TBC1D25: variants seen among roughly 807,000 people sequenced by gnomAD.
TBC1D25 encodes the protein 5SN3 snoRNA.
In TBC1D25, 13 loss-of-function variants were observed where a neutral mutation model predicts 38.8. The observed-to-expected ratio is 0.34, with a 90% CI of 0.22 to 0.53. The LOEUF (loss-of-function observed/expected upper bound fraction) is 0.53. Among genes scored for constraint, TBC1D25 ranks in the 20% least tolerant of loss-of-function variants. The probability of loss-of-function intolerance (pLI) is 0.94; values close to 1 mark genes in which losing one functional copy is unlikely to be tolerated. For synonymous variants in TBC1D25, 225 were observed against 255.6 expected (o/e 0.88, Z 1.14); for missense variants, 372 against 600.0 (o/e 0.62, Z 3.97).
intron 3 of TBC1D25, among the ~76,000 whole-genome samples, chrX:48,550,132 G>T (rs2061918237): frequency 9.1e-6 from 1 of 110,164 alleles, no homozygotes; most frequent in Non-Finnish European, 1.9e-5. Flanking sequence ...GATTACAGGT[G>T]CCCGCCACCA....
intron 1 of TBC1D25, 37 bp from the exon 2 acceptor site, chrX:48,541,296 G>A (rs1556980179): frequency 1.7e-6 from 2 of 1,176,734 alleles, no homozygotes. Flanking sequence ...ATGGTGATGG[G>A]GCCCCTGGTG....
At chrX:48,551,976 T>G (rs1250072240) in intron 3 of TBC1D25, among the ~76,000 whole-genome samples, 1 of 110,876 alleles carries the variant, frequency 9.0e-6, no homozygotes, top group African/African-American at 3.3e-5. Flanking sequence ...GTATAAAATG[T>G]CTCTTTGTGT....
chrX:48,550,446 A>G (rs2147181226), intron 3 of TBC1D25, among the ~76,000 whole-genome samples: 1 of 110,107 alleles, frequency 9.1e-6, no homozygotes, highest in Admixed American at 9.8e-5. Context: ...TGCTAACACC[A>G]TGTTATTTTT....
intron 3 of TBC1D25, among the ~76,000 whole-genome samples, chrX:48,550,113 A>G (rs963600216): frequency 1.8e-5 from 2 of 110,266 alleles, no homozygotes; most frequent in African/African-American, 3.3e-5. Flanking sequence ...CAGCCTCCCA[A>G]ATAGCTGGGA....
rs1219797507 is a variant in TBC1D25, at chrX:48,562,080, AC to A, written c.*1106del. 1 of 112,308 alleles carries A rather than the reference AC, an allele frequency of 8.9e-6. No individual in the cohort carries two copies. Among genetic ancestry groups the A allele is most frequent in the African/African-American group, 3.2e-5 (1 of 30,896 alleles). 9.3% of individuals were successfully genotyped at this position (112,308 alleles called of 1,213,427 possible). On this transcript the variant is annotated 3_prime_UTR_variant, in exon 6 of 6. Coordinates refer to ENST00000376771, the MANE Select transcript of TBC1D25 (RefSeq NM_002536.4). ...CATGCTCAGAGGGTGGGATTCTCTCACAGGCCAGGTGCTGTCATCCACAAAG... is the reference window on the plus strand; with the variant it reads ...CATGCTCAGAGGGTGGGATTCTCTCAAGGCCAGGTGCTGTCATCCACAAAG...
intron 2 of TBC1D25, among the ~76,000 whole-genome samples, chrX:48,541,944 T>G (rs782658971): frequency 9.5e-4 from 106 of 111,324 alleles, no homozygotes; most frequent in Middle Eastern, 4.6e-3. Flanking sequence ...AATGTGAGCG[T>G]TCTGAGCACG....
chrX:48,548,505 T>G (rs2061904859), intron 3 of TBC1D25, among the ~76,000 whole-genome samples: 1 of 112,393 alleles, frequency 8.9e-6, no homozygotes, highest in African/African-American at 3.2e-5. Context: ...TTCTTTTTAT[T>G]TAATAAATCA....
At chrX:48,540,073 G>A in intron 1 of TBC1D25, 153 bp downstream of exon 1, 2 of 782,093 alleles carry the variant, frequency 2.6e-6, no homozygotes, top group Non-Finnish European at 3.3e-6. Context: ...GGGGTAGGGA[G>A]GGCCTGAGAG....
chrX:48,554,559 CAAA>C (rs60207287), intron 3 of TBC1D25, among the ~76,000 whole-genome samples: 4 of 51,897 alleles, frequency 7.7e-5, no homozygotes, highest in Non-Finnish European at 1.0e-4. Flanking sequence ...GACTCCATCT[CAAA>C]AAAAAAAAAA....
At chrX:48,543,184 A>G (rs782470635) in intron 2 of TBC1D25, among the ~76,000 whole-genome samples, 11 of 110,878 alleles carry the variant, frequency 9.9e-5, no homozygotes, top group Non-Finnish European at 1.5e-4. Context: ...GGAAACATCT[A>G]GTCATAGGAT....
At chrX:48,558,318 G>A (rs1450050570) in intron 3 of TBC1D25, among the ~76,000 whole-genome samples, 3 of 111,395 alleles carry the variant, frequency 2.7e-5, no homozygotes, top group African/African-American at 6.5e-5. Flanking sequence ...TAATATTAGC[G>A]TGCACTGTTT....
At chrX:48,549,542 C>T (rs1264809312) in intron 3 of TBC1D25, among the ~76,000 whole-genome samples, 2 of 112,917 alleles carry the variant, frequency 1.8e-5, no homozygotes, top group Non-Finnish European at 3.7e-5. Context: ...ACTCTCATTG[C>T]CCAGGCTGGA....
chrX:48,551,327 TTTTG>T (rs199561584), intron 3 of TBC1D25, among the ~76,000 whole-genome samples: 23,256 of 109,837 alleles, frequency 0.21, 3,788 homozygotes, highest in African/African-American at 0.55. Flanking sequence ...TTTGCCTGTT[TTTTG>T]TTTGTTTGTT....
chrX:48,545,674 A>C (rs1288944848), intron 3 of TBC1D25, among the ~76,000 whole-genome samples: 2 of 112,274 alleles, frequency 1.8e-5, no homozygotes, highest in Admixed American at 9.5e-5. Context: ...ACCATACATT[A>C]GATAATTGTA....
chrX:48,545,141 A>G, intron 3 of TBC1D25, 118 bp downstream of exon 3: 3 of 957,797 alleles, frequency 3.1e-6, no homozygotes, highest in Non-Finnish European at 4.2e-6. Context: ...TCCTAGCTAT[A>G]GATCCTGGCT....
At chrX:48,550,924 G>T (rs934392997) in intron 3 of TBC1D25, among the ~76,000 whole-genome samples, 1 of 111,446 alleles carries the variant, frequency 9.0e-6, no homozygotes, top group Non-Finnish European at 1.9e-5. Context: ...CTCCCAAAGT[G>T]CTGAGATTAC....
chrX:48,550,816 C>T (rs1203182341), intron 3 of TBC1D25, among the ~76,000 whole-genome samples: 1 of 110,943 alleles, frequency 9.0e-6, no homozygotes, highest in Non-Finnish European at 1.9e-5. Context: ...CTCGCCACCA[C>T]GCCCGGCTAA....
At position 48,560,458 on chromosome X, in the gene TBC1D25, T is replaced by C. The variant is rs782800906; in HGVS notation, c.1550T>C (p.Met517Thr). 6 of 1,207,941 alleles carry C rather than the reference T, an allele frequency of 5.0e-6. No individual in the cohort carries two copies. Among genetic ancestry groups the C allele is most frequent in the African/African-American group, 1.8e-5 (1 of 57,049 alleles). The stretch of plus-strand genomic sequence containing the variant: ...GGCCTCCAGCAACTCAGGGATAACA[T>C]GGGCTCCAGGAGGGACCCTCTGGTC... ...LDGLQQLRDN[M>T]GSRRDPLVQL... The change falls in exon 6 of 6, where the codon ATG (methionine) becomes ACG (threonine). Residue 517 changes from methionine to threonine, a missense_variant. Physicochemically the swap from Met to Thr is moderately conservative, Grantham distance 81 (BLOSUM62 -1). Transcript: ENST00000376771.
intron 2 of TBC1D25, among the ~76,000 whole-genome samples, chrX:48,543,470 C>T (rs1482407242): frequency 3.1e-4 from 32 of 104,680 alleles, no homozygotes; most frequent in Non-Finnish European, 3.4e-4. Context: ...CTCCTGACCT[C>T]GTGATCCACC....
Sources: allele counts gnomAD v4.1 joint callset (sites outside exome capture counted in the v4.1 genomes callset), GRCh38; gene constraint gnomAD v4.1.1; transcripts MANE v1.5; gene names NCBI Gene and HGNC (gene_info 2026-07-23, HGNC 2026-07-21).